ADGB: variants seen among roughly 807,000 people sequenced by gnomAD.
ADGB encodes androglobin, also known as calpain-7-like protein.
ADGB carries 172 observed loss-of-function variants against 210.5 expected under a neutral mutation model. That is an observed-to-expected ratio of 0.82 (90% confidence interval 0.72 to 0.93). The LOEUF is 0.93. Ranked by LOEUF, ADGB falls within the 40% of genes least tolerant of loss-of-function variation. ADGB has a pLI of 0.00. For missense variants in ADGB, 2,025 were observed against 1,964.8 expected (o/e 1.03, Z -0.58); for synonymous variants, 658 against 662.7 (o/e 0.99, Z 0.11).
intron 1 of ADGB, among the ~76,000 whole-genome samples, chr6:146,604,101 G>T (rs946559512): frequency 6.6e-6 from 1 of 152,224 alleles, no homozygotes; most frequent in Non-Finnish European, 1.5e-5. Flanking sequence ...CAGGTGACCT[G>T]TGTGGAGCTC....
In ADGB at chr6:146,666,868, C is replaced by A. The variant is rs1456314200; in HGVS notation, c.805C>A (p.Leu269Ile). ...GGGGGAGTTCACGGTTATTCATGCGCTCACAGGATGGTTACCAGAAGTCAT... is the reference window on the plus strand; with the variant it reads ...GGGGGAGTTCACGGTTATTCATGCGATCACAGGATGGTTACCAGAAGTCAT... ...ELGEFTVIHA[L>I]TGWLPEVISL... Residue 269 changes from leucine (L) to isoleucine (I), a missense_variant, in exon 7 of 36, where the codon CTC becomes ATC. Leu to Ile is a conservative substitution (Grantham distance 5). Coordinates refer to ENST00000397944, the MANE Select transcript of ADGB (RefSeq NM_024694.4). 2 of 1,546,928 alleles carry A rather than the reference C, an allele frequency of 1.3e-6. No individual in the cohort carries two copies. Among genetic ancestry groups the A allele is most frequent in the African/African-American group, 1.4e-5 (1 of 72,888 alleles).
At chr6:146,672,174 A>G in intron 7 of ADGB, 46 bp from the exon 8 acceptor site, 1 of 1,453,784 alleles carries the variant, frequency 6.9e-7, no homozygotes. Context: ...TTCAAGGAAA[A>G]AAAAAAACAT....
chr6:146,723,662 A>G (rs928877349), intron 17 of ADGB, among the ~76,000 whole-genome samples: 9 of 152,104 alleles, frequency 5.9e-5, no homozygotes, highest in Non-Finnish European at 1.3e-4. Context: ...GCTTGAACCC[A>G]GGAGGTGGAG....
rs2114907343 is a variant in ADGB, at chr6:146,676,444, A to G, written c.1216+3A>G. On this transcript the variant is annotated splice_donor_region_variant and intron_variant, in intron 9 of 35. Coordinates refer to ENST00000397944, the MANE Select transcript of ADGB (RefSeq NM_024694.4). ...CTCTGTGCAGTCCCTATCAGATTGT[A>G]AGCTCCTAATTTCTTAGAATAATAA... 1.4e-6 allele frequency: 2 copies of G among 1,387,704 alleles called. No homozygotes were observed. Among genetic ancestry groups the G allele is most frequent in the East Asian group, 2.8e-5 (1 of 35,174 alleles). The allele number at this position is 1,387,704 out of a possible 1,614,324, so 86.0% of individuals were successfully genotyped here.
intron 3 of ADGB, among the ~76,000 whole-genome samples, chr6:146,648,300 C>T (rs1247635734): frequency 6.6e-6 from 1 of 152,078 alleles, no homozygotes; most frequent in Non-Finnish European, 1.5e-5. Context: ...GATCCTCCTG[C>T]CTTGGTCTCC....
chr6:146,721,455 T>G lies in ADGB; in HGVS notation c.2045T>G (p.Ile682Ser). 1 of 1,551,412 alleles carries G rather than the reference T, an allele frequency of 6.4e-7. No homozygotes were observed. Among genetic ancestry groups the G allele is most frequent in the Non-Finnish European group, 8.7e-7 (1 of 1,146,722 alleles). The change falls in exon 17 of 36, where the codon ATT (isoleucine) becomes AGT (serine). Residue 682 changes from isoleucine to serine, a missense_variant. Ile to Ser is a moderately radical substitution (Grantham distance 142). Coordinates refer to ENST00000397944, the MANE Select transcript of ADGB (RefSeq NM_024694.4). ...CTATTTGTAGATAGTCTAAAACCTA[T>G]TGAACTACTGGTTTGCTTTTCTGCA... ...YYLFVDSLKPIELLVCFSALV... is the reference protein window; with the variant it reads ...YYLFVDSLKPSELLVCFSALV...
intron 7 of ADGB, among the ~76,000 whole-genome samples, chr6:146,669,892 A>G (rs1365144200): frequency 6.6e-6 from 1 of 152,006 alleles, no homozygotes; most frequent in Non-Finnish European, 1.5e-5. Flanking sequence ...TTGATTCTCA[A>G]CCTCCTAAAC....
At chr6:146,608,430 G>C (rs1299205183) in intron 1 of ADGB, among the ~76,000 whole-genome samples, 1 of 151,936 alleles carries the variant, frequency 6.6e-6, no homozygotes, top group Non-Finnish European at 1.5e-5. Context: ...TGGTTGGTTT[G>C]CTATTGTTTT....
chr6:146,720,473 A>T (rs1776796809), intron 16 of ADGB, among the ~76,000 whole-genome samples: 1 of 152,220 alleles, frequency 6.6e-6, no homozygotes, highest in Non-Finnish European at 1.5e-5. Context: ...TGATTTTACG[A>T]AGCACTTTAT....
At chr6:146,678,269 C>G (rs570247632) in intron 9 of ADGB, among the ~76,000 whole-genome samples, 15 of 152,256 alleles carry the variant, frequency 9.9e-5, no homozygotes, top group African/African-American at 3.4e-4. Flanking sequence ...CTGTGTCGCC[C>G]AGGCTGGAGT....
chr6:146,703,725 T>C (rs911842645), intron 13 of ADGB, among the ~76,000 whole-genome samples: 3 of 151,990 alleles, frequency 2.0e-5, no homozygotes, highest in African/African-American at 7.2e-5. Context: ...ATTAGTTTGA[T>C]TTCATATTTT....
At chr6:146,779,060 T>TG (rs1434491530) in intron 29 of ADGB, among the ~76,000 whole-genome samples, 4 of 130,024 alleles carry the variant, frequency 3.1e-5, no homozygotes, top group Admixed American at 7.6e-5. Context: ...GCAGTAGCTT[T>TG]GGAAAAAAAA....
chr6:146,713,931 T>C (rs1215690905), intron 13 of ADGB, among the ~76,000 whole-genome samples: 1 of 152,142 alleles, frequency 6.6e-6, no homozygotes, highest in East Asian at 1.9e-4. Flanking sequence ...TTTATGCCAC[T>C]TATTCTATTT....
At chr6:146,717,366 G>A (rs977485907) in intron 15 of ADGB, among the ~76,000 whole-genome samples, 170 bp from the exon 16 acceptor site, 1 of 152,130 alleles carries the variant, frequency 6.6e-6, no homozygotes, top group Non-Finnish European at 1.5e-5. Context: ...TAATTAAAAT[G>A]AAGAAATCTT....
At chr6:146,697,698 A>G (rs975643629) in intron 12 of ADGB, among the ~76,000 whole-genome samples, 3 of 152,166 alleles carry the variant, frequency 2.0e-5, no homozygotes, top group Admixed American at 2.0e-4. Flanking sequence ...TGGTTCTCAG[A>G]AGTAGGAGAT....
chr6:146,658,364 AG>A (rs1273463400), intron 5 of ADGB, among the ~76,000 whole-genome samples: 2 of 152,226 alleles, frequency 1.3e-5, no homozygotes, highest in African/African-American at 4.8e-5. Flanking sequence ...CAGAGGAGCA[AG>A]CAGAAGGGTG....
rs1776084760 is a variant in ADGB, at chr6:146,676,376, A to G, written c.1151A>G (p.Lys384Arg). The change falls in exon 9 of 36, where the codon AAA becomes AGA. Residue 384 changes from lysine (K) to arginine (R), a missense_variant. Coordinates refer to ENST00000397944, the MANE Select transcript of ADGB (RefSeq NM_024694.4). ...RSKDGEKEKF[K>R]FSLHGSRPSS... ...AAAGATGGAGAAAAAGAAAAATTCAAATTCTCACTTCATGGTTCAAGACCC... is the reference window on the plus strand; with the variant it reads ...AAAGATGGAGAAAAAGAAAAATTCAGATTCTCACTTCATGGTTCAAGACCC... 5.8e-6 allele frequency: 9 copies of G among 1,549,380 alleles called. No homozygotes were observed. The East Asian group carries it at 1.7e-4, about 30-fold the overall frequency.
chr6:146,658,523 G>T (rs1009629530), intron 5 of ADGB, among the ~76,000 whole-genome samples: 1 of 152,110 alleles, frequency 6.6e-6, no homozygotes, highest in African/African-American at 2.4e-5. Flanking sequence ...ACTATGAAGT[G>T]TTTTGAAACA....
At chr6:146,809,226 C>T (rs1028780582) in intron 35 of ADGB, among the ~76,000 whole-genome samples, 24 of 152,286 alleles carry the variant, frequency 1.6e-4, no homozygotes, top group Non-Finnish European at 3.2e-4. Context: ...CAACACTCAG[C>T]TTTTTCCTAA....
Sources: allele counts gnomAD v4.1 joint callset (sites outside exome capture counted in the v4.1 genomes callset), GRCh38; gene constraint gnomAD v4.1.1; transcripts MANE v1.5; gene names NCBI Gene and HGNC (gene_info 2026-07-23, HGNC 2026-07-21).